The following DENND2B variants were observed in gnomAD, a reference collection of about 807,000 sequenced individuals.
The protein encoded by DENND2B is DENN domain-containing protein 2B.
DENND2B carries 32 observed loss-of-function variants against 116.0 expected under a neutral mutation model. The observed-to-expected ratio is 0.28, with a 90% CI of 0.21 to 0.37. DENND2B has a LOEUF of 0.37. Among genes scored for constraint, DENND2B ranks in the 10% least tolerant of loss-of-function variants. DENND2B has a pLI of 1.00. For missense variants in DENND2B, 1,276 were observed against 1,477.7 expected (o/e 0.86, Z 2.24); for synonymous variants, 588 against 583.9 (o/e 1.01, Z -0.10).
chr11:8,850,041 G>T (rs567347305), intron 3 of DENND2B, among the ~76,000 whole-genome samples: 7 of 152,024 alleles, frequency 4.6e-5, no homozygotes, highest in African/African-American at 1.7e-4. Context: ...AGGCTGAGGT[G>T]GGAGGATCAC....
intron 1 of DENND2B, among the ~76,000 whole-genome samples, chr11:8,794,014 C>T (rs1355803601): frequency 6.6e-6 from 1 of 152,132 alleles, no homozygotes; most frequent in Admixed American, 6.5e-5. Context: ...AAACCCAGTG[C>T]TACCCAACTG....
chr11:8,831,792 AC>A (rs2062217062), intron 4 of DENND2B: 1 of 152,142 alleles, frequency 6.6e-6, no homozygotes, highest in Non-Finnish European at 1.5e-5. Context: ...CTTAACTTCT[AC>A]CCAGTGTGTG....
intron 4 of DENND2B, 39 bp downstream of exon 4, chr11:8,726,034 C>T (rs1237723842): frequency 5.0e-6 from 8 of 1,612,884 alleles, no homozygotes; most frequent in Non-Finnish European, 6.8e-6. Flanking sequence ...TTCTGCAGCC[C>T]CCTGAGATGA....
intron 3 of DENND2B, among the ~76,000 whole-genome samples, chr11:8,841,437 G>A (rs1566040120): frequency 2.0e-5 from 3 of 152,178 alleles, no homozygotes; most frequent in Non-Finnish European, 2.9e-5. Context: ...TCAGGAGTTC[G>A]AGACCAGCCT....
chr11:8,768,034 G>A (rs1014592552), intron 1 of DENND2B, among the ~76,000 whole-genome samples: 3 of 151,840 alleles, frequency 2.0e-5, no homozygotes, highest in South Asian at 2.1e-4. Context: ...GATCTAGATC[G>A]AGCTGTTCCT....
intron 7 of DENND2B, among the ~76,000 whole-genome samples, chr11:8,714,403 C>T (rs539621106): frequency 1.3e-5 from 2 of 152,322 alleles, no homozygotes; most frequent in East Asian, 1.9e-4. Flanking sequence ...TTGCAGAAGC[C>T]GATTCCCACA....
chr11:8,827,318 A>G (rs2062016728), intron 4 of DENND2B, among the ~76,000 whole-genome samples: 1 of 151,918 alleles, frequency 6.6e-6, no homozygotes, highest in East Asian at 1.9e-4. Flanking sequence ...CCAGCAGAAC[A>G]CTCCCTTCTT....
At chr11:8,721,644 G>A (rs1363831822) in intron 4 of DENND2B, among the ~76,000 whole-genome samples, 3 of 152,162 alleles carry the variant, frequency 2.0e-5, no homozygotes, top group East Asian at 1.9e-4. Flanking sequence ...GCTGGCTGTT[G>A]CCCACCCTCC....
intron 7 of DENND2B, 99 bp downstream of exon 7, chr11:8,714,511 C>T: frequency 9.7e-7 from 1 of 1,026,396 alleles, no homozygotes; most frequent in Non-Finnish European, 1.5e-6. Context: ...TGGCCATTTC[C>T]TGGCAGGGCT....
At chr11:8,717,999 G>T (rs2045268357) in intron 4 of DENND2B, 107 bp from the exon 5 acceptor site, 1 of 1,322,696 alleles carries the variant, frequency 7.6e-7, no homozygotes, top group East Asian at 2.4e-5. Context: ...AAAGAGAATG[G>T]CTTCTGCCTG....
intron 5 of DENND2B, among the ~76,000 whole-genome samples, 158 bp downstream of exon 5, chr11:8,717,583 C>T (rs565062614): frequency 2.1e-4 from 32 of 152,272 alleles, no homozygotes; most frequent in East Asian, 3.9e-4. Flanking sequence ...CTTTATCAGA[C>T]GAGATCGGGC....
intron 1 of DENND2B, among the ~76,000 whole-genome samples, chr11:8,770,194 G>C (rs1330074275): frequency 1.3e-5 from 2 of 152,112 alleles, no homozygotes; most frequent in Non-Finnish European, 2.9e-5. Flanking sequence ...AAGTACTTTA[G>C]AGTACTTTAT....
intron 4 of DENND2B, among the ~76,000 whole-genome samples, chr11:8,837,046 G>A (rs76883634): frequency 0.011 from 1,746 of 151,854 alleles, 43 homozygotes; most frequent in African/African-American, 0.041. Flanking sequence ...ATTTCTGCCC[G>A]ACAAAGGACC....
At chr11:8,733,987 C>A (rs185226678) in intron 2 of DENND2B, among the ~76,000 whole-genome samples, 19 of 152,116 alleles carry the variant, frequency 1.2e-4, no homozygotes, top group Admixed American at 1.1e-3. Context: ...TTGCCCCAGC[C>A]TCCCCACACA....
rs150984204 is a variant in DENND2B at position 8,896,118 on chromosome 11, C to A, written c.-256+14703G>T. ...TATAATTAGGTAAACTTAGTATAAG[C>A]TAGGAGATATAAAATTTTCTCTAGA... is the stretch of plus-strand genomic sequence containing the variant. On this transcript the variant is annotated intron_variant, in intron 1 of 22. Coordinates refer to the DENND2B transcript ENST00000534127. 1.4e-3 allele frequency among the ~76,000 whole-genome samples: 207 copies of A among 152,144 alleles called. 1 individual carries two copies. The highest frequency in any genetic ancestry group is 4.7e-3 in the African/African-American group (197 of 41,504).
intron 1 of DENND2B, among the ~76,000 whole-genome samples, chr11:8,900,375 T>G (rs1417275869): frequency 6.9e-6 from 1 of 145,930 alleles, no homozygotes; most frequent in African/African-American, 2.6e-5. Context: ...GAGCTTGCAG[T>G]GCCCAAGGTC....
intron 1 of DENND2B, among the ~76,000 whole-genome samples, chr11:8,906,747 C>T (rs546888787): frequency 6.6e-6 from 1 of 152,218 alleles, no homozygotes; most frequent in African/African-American, 2.4e-5. Flanking sequence ...TAATGAGTTT[C>T]TTTCATTCCC....
At chr11:8,809,731 G>C (rs1166931442) in intron 1 of DENND2B, 1 of 152,160 alleles carries the variant, frequency 6.6e-6, no homozygotes, top group Non-Finnish European at 1.5e-5. Flanking sequence ...TGTAACCAAA[G>C]GAATCCACCC....
chr11:8,787,616 A>T (rs1197337905), intron 1 of DENND2B, among the ~76,000 whole-genome samples: 1 of 152,244 alleles, frequency 6.6e-6, no homozygotes, highest in African/African-American at 2.4e-5. Context: ...TCACTCCCTT[A>T]AACACAGGTG....
Sources: gnomAD v4.1 joint callset for allele counts (sites outside exome capture counted in the v4.1 genomes callset) on GRCh38, gnomAD v4.1.1 for gene constraint, MANE v1.5 for transcripts, NCBI Gene and HGNC (gene_info 2026-07-23, HGNC 2026-07-21) for gene names.